PTPRN2: variants seen among roughly 807,000 people sequenced by gnomAD.
PTPRN2 encodes receptor-type tyrosine-protein phosphatase N2.
Under a neutral mutation model 118.8 loss-of-function variants are expected in PTPRN2, and 74 were observed. The ratio of observed to expected loss-of-function variants is 0.62; its 90% CI spans 0.52 to 0.76. PTPRN2 has a LOEUF of 0.76. Ranked by LOEUF, PTPRN2 falls within the 30% of genes least tolerant of loss-of-function variation. The pLI, the probability that PTPRN2 is intolerant of heterozygous loss-of-function variation, is 0.00. For synonymous variants in PTPRN2, 641 were observed against 608.0 expected, an observed-to-expected ratio of 1.05 and a Z score of -0.80; for missense variants, 1,481 against 1,394.4, an observed-to-expected ratio of 1.06 and a Z score of -0.99.
chr7:158,326,796 T>C (rs907026293), intron 2 of PTPRN2, among the ~76,000 whole-genome samples: 1 of 143,670 alleles, frequency 7.0e-6, no homozygotes, highest in Admixed American at 7.0e-5. Context: ...TGCACACACA[T>C]GCACATTCTC....
chr7:157,576,567 C>T (rs141868425), intron 19 of PTPRN2, 46 bp downstream of exon 19: 3 of 1,541,956 alleles, frequency 1.9e-6, no homozygotes, highest in Non-Finnish European at 1.8e-6. Flanking sequence ...TCCCCTGTGC[C>T]GCGCGCTCAG....
chr7:158,355,742 C>G (rs1808339742), intron 2 of PTPRN2, among the ~76,000 whole-genome samples: 1 of 152,238 alleles, frequency 6.6e-6, no homozygotes, highest in Admixed American at 6.5e-5. Context: ...CAGGGAGAAT[C>G]TGCGTGCACA....
chr7:158,288,424 G>A (rs1799896475), intron 3 of PTPRN2, among the ~76,000 whole-genome samples: 1 of 152,016 alleles, frequency 6.6e-6, no homozygotes, highest in Non-Finnish European at 1.5e-5. Flanking sequence ...GATATGCTTT[G>A]ATTCCTTACT....
chr7:158,391,170 C>T (rs1811895026), intron 2 of PTPRN2, among the ~76,000 whole-genome samples: 1 of 152,238 alleles, frequency 6.6e-6, no homozygotes, highest in African/African-American at 2.4e-5. Context: ...AACCCAGCAG[C>T]TGCTGCTCCC....
At chr7:158,089,902 C>T (rs527801934) in intron 10 of PTPRN2, among the ~76,000 whole-genome samples, 13 of 46,156 alleles carry the variant, frequency 2.8e-4, no homozygotes, top group Admixed American at 4.4e-4. Context: ...AGTCTTCACA[C>T]AAACCTGTCT....
At chr7:157,711,422 A>G (rs192861464) in intron 12 of PTPRN2, among the ~76,000 whole-genome samples, 17 of 141,762 alleles carry the variant, frequency 1.2e-4, no homozygotes, top group South Asian at 6.0e-4. Flanking sequence ...CAGCCGGGTT[A>G]CACGCGAGAG....
rs1827918404 is a variant in PTPRN2, at chr7:158,570,071, C to T, written c.112+17487G>A. Among the ~76,000 whole-genome samples, 1 of 152,182 alleles carries T rather than the reference C, an allele frequency of 6.6e-6. No individual in the cohort carries two copies. The highest frequency in any genetic ancestry group is 2.1e-4 in the South Asian group (1 of 4,830). Reference sequence around the variant, plus strand: ...TCAGGCGCGTCCTCCACCCGTTTCCCCCAGGCAGGGGGAAGCCCCGAGAAG... The same window carrying T: ...TCAGGCGCGTCCTCCACCCGTTTCCTCCAGGCAGGGGGAAGCCCCGAGAAG... On this transcript the variant is annotated intron_variant, in intron 1 of 22. Coordinates refer to ENST00000389418, the MANE Select transcript of PTPRN2 (RefSeq NM_002847.5). This position sits in a 1 kb window ranked among gnomAD's most constrained non-coding sequence, Gnocchi z 4.5.
chr7:158,262,449 ACACG>A (rs1563054002), intron 3 of PTPRN2, among the ~76,000 whole-genome samples: 1 of 148,860 alleles, frequency 6.7e-6, no homozygotes, highest in Admixed American at 6.7e-5. Context: ...CACACACTGC[ACACG>A]CAGATTCACA....
At chr7:157,718,450 G>A (rs78762416) in intron 12 of PTPRN2, among the ~76,000 whole-genome samples, 35,582 of 152,162 alleles carry the variant, frequency 0.23, 5,000 homozygotes, top group Non-Finnish European at 0.32. Flanking sequence ...GGCGTGTTTG[G>A]AGAGCGCCTT....
At chr7:157,852,339 G>A (rs73746665) in intron 12 of PTPRN2, among the ~76,000 whole-genome samples, 4,876 of 152,212 alleles carry the variant, frequency 0.032, 266 homozygotes, top group African/African-American at 0.11. Context: ...AGTAGAATGA[G>A]GTTCACTTCC....
Position 158,529,224 on chromosome 7 carries a change from G to T in PTPRN2, c.113-39439C>A, listed in dbSNP as rs570844670. Among the ~76,000 whole-genome samples, 2 of 152,354 alleles carry T rather than the reference G, an allele frequency of 1.3e-5. No individual in the cohort carries two copies. The highest frequency in any genetic ancestry group is 3.9e-4 in the East Asian group (2 of 5,194). The stretch of plus-strand genomic sequence containing the variant: ...AAGCACCCGTCGCTGTTGGTCCTGG[G>T]GCTAACGCTGATGGGAGGAGCAGCT... On this transcript the variant is annotated intron_variant, in intron 1 of 22. Transcript: ENST00000389418. The surrounding 1 kb of genome is among the most constrained non-coding windows in gnomAD (Gnocchi z 4.7).
intron 5 of PTPRN2, among the ~76,000 whole-genome samples, chr7:158,171,294 CAT>C (rs771143653): frequency 0.031 from 1,940 of 61,738 alleles, 190 homozygotes; most frequent in African/African-American, 0.073. Flanking sequence ...TATATACACA[CAT>C]ATATATACAC....
rs184030983 is a variant in PTPRN2, at chr7:158,228,836, T to G, written c.278-23563A>C. On this transcript the variant is annotated intron_variant, in intron 3 of 22. Transcript: ENST00000389418. ...CCCTGGCTGGAGACCTGTTCCTGCT[T>G]CAACCCATGGGAAGCGCTGCAAATG... Among the ~76,000 whole-genome samples the G allele has an allele frequency of 2.8e-3, 429 of 152,154 alleles. 5 individuals carry two copies. The highest frequency in any genetic ancestry group is 9.9e-3 in the African/African-American group (412 of 41,528).
At chr7:157,951,456 C>T (rs977544054) in intron 11 of PTPRN2, among the ~76,000 whole-genome samples, 10 of 152,114 alleles carry the variant, frequency 6.6e-5, no homozygotes, top group South Asian at 4.1e-4. Context: ...TCCCCGGAGG[C>T]GCTGCTGATG....
At chr7:157,691,974 A>C (rs1369312433) in intron 12 of PTPRN2, among the ~76,000 whole-genome samples, 1 of 152,092 alleles carries the variant, frequency 6.6e-6, no homozygotes, top group Non-Finnish European at 1.5e-5. Flanking sequence ...CGAGAGCCGG[A>C]GAGCTGAAAC....
intron 10 of PTPRN2, 133 bp downstream of exon 10, chr7:158,110,696 C>T: frequency 1.2e-6 from 1 of 814,194 alleles, no homozygotes; most frequent in Non-Finnish European, 2.0e-6. Context: ...CTGCTGAAAT[C>T]ACCTTTCACT....
At chr7:157,984,943 C>A (rs887524812) in intron 11 of PTPRN2, among the ~76,000 whole-genome samples, 2 of 152,198 alleles carry the variant, frequency 1.3e-5, no homozygotes, top group African/African-American at 4.8e-5. Context: ...TTCCCCACCC[C>A]GTGCTGCTCC....
chr7:157,902,203 C>T (rs908368406), intron 11 of PTPRN2, among the ~76,000 whole-genome samples: 8 of 152,270 alleles, frequency 5.3e-5, no homozygotes, highest in South Asian at 2.1e-4. Context: ...AGGCCAGGAA[C>T]GCGCTGCAGC....
At chr7:157,719,014 G>A (rs2907679) in intron 12 of PTPRN2, among the ~76,000 whole-genome samples, 14,162 of 152,178 alleles carry the variant, frequency 0.093, 919 homozygotes, top group Admixed American at 0.2. Context: ...CCTCCTGCAG[G>A]CGTCTCTGGC....
Sources: allele counts gnomAD v4.1 joint callset (sites outside exome capture counted in the v4.1 genomes callset), GRCh38; gene constraint gnomAD v4.1.1; non-coding constraint Gnocchi (gnomAD v3.1); transcripts MANE v1.5; gene names NCBI Gene and HGNC (gene_info 2026-07-23, HGNC 2026-07-21).